Variants in TSPOAP1 observed in about 807,000 individuals in gnomAD.
TSPOAP1 encodes peripheral-type benzodiazepine receptor-associated protein 1.
A neutral mutation model predicts 197.0 loss-of-function variants in TSPOAP1; 87 were observed. The ratio of observed to expected loss-of-function variants is 0.44; its 90% CI spans 0.37 to 0.53. The LOEUF is 0.53. Ranked by LOEUF, TSPOAP1 falls within the 20% of genes least tolerant of loss-of-function variation. TSPOAP1 has a pLI of 0.00. For missense variants in TSPOAP1, 2,174 were observed against 2,411.3 expected, an observed-to-expected ratio of 0.90 and a Z score of 2.06; for synonymous variants, 913 against 998.9, an observed-to-expected ratio of 0.91 and a Z score of 1.62.
intron 3 of TSPOAP1, among the ~76,000 whole-genome samples, chr17:58,325,943 G>T (rs1238986120): frequency 2.0e-5 from 3 of 152,238 alleles, no homozygotes; most frequent in South Asian, 2.1e-4. Context: ...GCTAATTTGG[G>T]GCTGCCACTG....
rs968640457 is a variant in TSPOAP1 at position 58,302,362 on chromosome 17, C to T, written c.*118G>A. ...CTCGCTTCTGCCCTGGGGCTCCCCACGTTCAATCCTGGGGGCGCTGCCAGA... is the reference window on the plus strand; with the variant it reads ...CTCGCTTCTGCCCTGGGGCTCCCCATGTTCAATCCTGGGGGCGCTGCCAGA... On this transcript the variant is annotated 3_prime_UTR_variant, in exon 32 of 32. Transcript: ENST00000343736. The T allele has an allele frequency of 1.1e-5, 14 of 1,289,042 alleles. No homozygotes were observed. Among genetic ancestry groups the T allele is most frequent in the Admixed American group, 2.3e-5 (1 of 43,502 alleles). The allele number at this position is 1,289,042 out of a possible 1,614,324, so 79.9% of individuals were successfully genotyped here.
At chr17:58,320,858 T>C (rs998984664) in intron 10 of TSPOAP1, among the ~76,000 whole-genome samples, 1 of 152,050 alleles carries the variant, frequency 6.6e-6, no homozygotes, top group Middle Eastern at 3.4e-3. Flanking sequence ...TGAGCAACCA[T>C]CCTCCCAGTT....
intron 13 of TSPOAP1, 22 bp downstream of exon 13, chr17:58,319,068 A>G (rs1475991937): frequency 3.4e-6 from 5 of 1,487,596 alleles, no homozygotes; most frequent in Admixed American, 2.3e-5. Flanking sequence ...TTCCAGGCCA[A>G]TGCCACTGGG....
chr17:58,327,494 G>T, intron 1 of TSPOAP1, 94 bp downstream of exon 1: 1 of 1,293,334 alleles, frequency 7.7e-7, no homozygotes, highest in Non-Finnish European at 1.1e-6. Flanking sequence ...GGTGGGCATT[G>T]GGGATGCATA....
At position 58,326,786 on chromosome 17, in the gene TSPOAP1, T is replaced by G; in HGVS notation, c.338A>C (p.Lys113Thr). 3.1e-6 allele frequency: 5 copies of G among 1,613,928 alleles called. No homozygotes were observed. Among genetic ancestry groups the G allele is most frequent in the Non-Finnish European group, 3.4e-6 (4 of 1,179,962 alleles). Residue 113 changes from lysine (K) to threonine (T), a missense_variant, in exon 2 of 32, where the codon AAG becomes ACG. Coordinates refer to ENST00000343736, the MANE Select transcript of TSPOAP1 (RefSeq NM_004758.4). The surrounding 1 kb of genome is among the most constrained non-coding windows in gnomAD (Gnocchi z 4.7). ...CCTGTCCCCAAAGCTCATATTCAGC[T>G]TGGCCTGGCATGGGAAAGGACCGAG... ...DEEVEAFLKAKLNMSFGDRPN... is the reference protein window; with the variant it reads ...DEEVEAFLKATLNMSFGDRPN...
At chr17:58,327,106 C>T (rs1971643760) in intron 1 of TSPOAP1, among the ~76,000 whole-genome samples, 2 of 152,156 alleles carry the variant, frequency 1.3e-5, no homozygotes, top group South Asian at 4.1e-4. Context: ...CCCCTGCCCT[C>T]CCCCAAAGTC....
Position 58,325,006 on chromosome 17 carries a change from A to C in TSPOAP1, c.751-4T>G. The C allele has an allele frequency of 6.6e-7, 1 of 1,522,300 alleles. No individual in the cohort carries two copies. Among genetic ancestry groups the C allele is most frequent in the South Asian group, 1.2e-5 (1 of 81,628 alleles). 94.3% of individuals were successfully genotyped at this position (1,522,300 alleles called of 1,614,324 possible). On this transcript the variant is annotated splice_polypyrimidine_tract_variant and splice_region_variant and intron_variant, in intron 4 of 31. Coordinates refer to ENST00000343736, the MANE Select transcript of TSPOAP1 (RefSeq NM_004758.4). ...CGTGGAGCCACTGGGGACCCTCCTG[A>C]GGTTGGGGGACAGGGACAGGGAGGG...
Position 58,310,152 on chromosome 17 carries a change from C to A in TSPOAP1, c.3706G>T (p.Asp1236Tyr). The A allele has an allele frequency of 1.2e-6, 2 of 1,611,962 alleles. No homozygotes were observed. The highest frequency in any genetic ancestry group is 1.7e-6 in the Non-Finnish European group (2 of 1,179,524). The part of the protein sequence containing the change: ...SGLRPRAEKE[D>Y]TAELGVHLVN... ...AGATGAACCCCAAGCTCTGCTGTGT[C>A]CTCCTTCTGCAAGAAGTGAGGCAAG... The change falls in exon 21 of 32, where the codon GAC (aspartate) becomes TAC (tyrosine). Residue 1236 changes from aspartate to tyrosine, a missense_variant. By Grantham distance (160) the Asp-to-Tyr change is radical. Transcript: ENST00000343736.
In TSPOAP1 at chr17:58,316,100, G is replaced by A. The variant is rs1438088733; in HGVS notation, c.2021C>T (p.Pro674Leu). The A allele has an allele frequency of 6.2e-7, 1 of 1,614,122 alleles. No individual in the cohort carries two copies. The highest frequency in any genetic ancestry group is 1.1e-5 in the South Asian group (1 of 91,080). ...YNPFEGPNEN[P>L]EAELPLTAGE... is the part of the protein sequence containing the mutation. The stretch of plus-strand genomic sequence containing the variant: ...AGCTGTCAGCGGAAGCTCTGCTTCT[G>A]GATTCTCATTGGGACCCTCAAAGGG... The change falls in exon 16 of 32, where the codon CCA becomes CTA. Residue 674 changes from proline (P) to leucine (L), a missense_variant. By Grantham distance (98) the Pro-to-Leu change is moderately conservative (BLOSUM62 -3). This residue lies in a region of TSPOAP1 where 1,933 missense variants were observed against 2,139.0 expected (regional missense o/e 0.90). Transcript: ENST00000343736.
At chr17:58,306,535 TC>T in intron 25 of TSPOAP1, 122 bp from the exon 26 acceptor site, 1 of 1,042,226 alleles carries the variant, frequency 9.6e-7, no homozygotes, top group Non-Finnish European at 1.4e-6. Context: ...GGCATTCATC[TC>T]CCATCCCTGA....
chr17:58,304,523 G>T lies in TSPOAP1; in HGVS notation c.5545-124C>A. Reference sequence around the variant, plus strand: ...TCCAAGGCCTTTGTGTTCACACATGGAAGCCCTGAGTTTTCTGGCTGGGGC... The same window carrying T: ...TCCAAGGCCTTTGTGTTCACACATGTAAGCCCTGAGTTTTCTGGCTGGGGC... On this transcript the variant is annotated intron_variant, in intron 30 of 31. Coordinates refer to ENST00000343736, the MANE Select transcript of TSPOAP1 (RefSeq NM_004758.4). The surrounding 1 kb of genome is among the most constrained non-coding windows in gnomAD (Gnocchi z 4.2). 1.3e-6 allele frequency: 1 copy of T among 766,856 alleles called. No individual in the cohort carries two copies. The highest frequency in any genetic ancestry group is 2.3e-6 in the Non-Finnish European group (1 of 430,666). 47.5% of individuals were successfully genotyped at this position (766,856 alleles called of 1,614,324 possible).
chr17:58,306,383 T>C lies in TSPOAP1; in HGVS notation c.5183A>G (p.His1728Arg), dbSNP rs11079346. The C allele has an allele frequency of 0.29, 444,782 of 1,554,028 alleles. 64,465 individuals carry two copies. The highest frequency in any genetic ancestry group is 0.35 in the African/African-American group (25,815 of 73,156). The change falls in exon 26 of 32, where the codon CAC becomes CGC. Residue 1728 changes from histidine (H) to arginine (R), a missense_variant. Coordinates refer to ENST00000343736, the MANE Select transcript of TSPOAP1 (RefSeq NM_004758.4). ...GNGPFVYSTA[H>R]TTGPPPKPRR... is the part of the protein sequence containing the mutation. ...GGGCTTGGGAGGAGGCCCAGTTGTG[T>C]GGGCTGTGGAGTACACAAACGGACC...
chr17:58,309,433 G>A lies in TSPOAP1; in HGVS notation c.3892-53C>T, dbSNP rs1971013545. 1 of 1,547,690 alleles carries A rather than the reference G, an allele frequency of 6.5e-7. No individual in the cohort carries two copies. Among genetic ancestry groups the A allele is most frequent in the African/African-American group, 1.4e-5 (1 of 73,772 alleles). ...AACACAGCAGGGAAGAGAGATGCGT[G>A]GGGAAGAGGAGAGCGAGCTGCGATC... On this transcript the variant is annotated intron_variant, in intron 21 of 31. Transcript: ENST00000343736. The surrounding 1 kb of genome is among the most constrained non-coding windows in gnomAD (Gnocchi z 5.0).
intron 20 of TSPOAP1, 83 bp downstream of exon 20, chr17:58,310,429 G>A (rs951292254): frequency 1.3e-6 from 2 of 1,565,656 alleles, no homozygotes; most frequent in Non-Finnish European, 1.7e-6. Context: ...CAGGCAGAGA[G>A]GGCAACTGGA....
At position 58,316,453 on chromosome 17, in the gene TSPOAP1, T is replaced by C. The variant is rs143516925; in HGVS notation, c.1960A>G (p.Arg654Gly). Residue 654 changes from arginine to glycine, a missense_variant, in exon 15 of 32, where the codon AGG becomes GGG. Transcript: ENST00000343736. Reference sequence around the variant, plus strand: ...TAACGTGCTAGGAAGACCTGGATCCTGGCTCCTCCCCGGCTGCCCTCTGGC... The same window carrying C: ...TAACGTGCTAGGAAGACCTGGATCCCGGCTCCTCCCCGGCTGCCCTCTGGC... ...AAPEGSRGGA[R>G]IQVFLARYSY... 1.6e-4 allele frequency: 252 copies of C among 1,613,730 alleles called. No homozygotes were observed. In the African/African-American group the frequency reaches 3.0e-3, roughly 19 times the overall value.
In TSPOAP1 at chr17:58,310,501, C is replaced by G; in HGVS notation, c.3699+11G>C. The G allele has an allele frequency of 6.2e-7, 1 of 1,612,136 alleles. No homozygotes were observed. Among genetic ancestry groups the G allele is most frequent in the South Asian group, 1.1e-5 (1 of 90,970 alleles). On this transcript the variant is annotated intron_variant, in intron 20 of 31. Transcript: ENST00000343736. ...TCTCTGAAGTGACACAGTGTGTCCC[C>G]AAACCCCTACCTCAGCCCTGGGCCT...
Position 58,325,134 on chromosome 17 carries a change from T to C in TSPOAP1, c.751-132A>G, listed in dbSNP as rs946552042. 4 of 805,328 alleles carry C rather than the reference T, an allele frequency of 5.0e-6. No individual in the cohort carries two copies. In the Admixed American group the frequency reaches 8.7e-5, roughly 18 times the overall value. The allele number at this position is 805,328 out of a possible 1,614,324, so 49.9% of individuals were successfully genotyped here. On this transcript the variant is annotated intron_variant, in intron 4 of 31. Coordinates refer to ENST00000343736, the MANE Select transcript of TSPOAP1 (RefSeq NM_004758.4). ...GAGACTGTGCACACCCTCCCATGGG[T>C]ACATGCCTGGTTACATGTGCATGCG... is the stretch of plus-strand genomic sequence containing the variant.
At chr17:58,315,016 C>T (rs1175982577) in intron 16 of TSPOAP1, among the ~76,000 whole-genome samples, 1 of 152,168 alleles carries the variant, frequency 6.6e-6, no homozygotes, top group African/African-American at 2.4e-5. Flanking sequence ...ATACTTATGC[C>T]TTTGCTGCCC....
intron 24 of TSPOAP1, 92 bp downstream of exon 24, chr17:58,307,519 T>C (rs1361645165): frequency 2.7e-6 from 4 of 1,478,750 alleles, no homozygotes; most frequent in East Asian, 2.4e-5. Flanking sequence ...TTCTCCACCA[T>C]GATTCTGTGC....
Sources: gnomAD v4.1 joint callset for allele counts (sites outside exome capture counted in the v4.1 genomes callset) on GRCh38, gnomAD v4.1.1 for gene constraint, gnomAD v4.1.1 regional missense constraint, Gnocchi (gnomAD v3.1) non-coding constraint, MANE v1.5 for transcripts, NCBI Gene and HGNC (gene_info 2026-07-23, HGNC 2026-07-21) for gene names.